The following ETV1 variants were observed in gnomAD, a reference collection of about 807,000 sequenced individuals.
ETV1 encodes ETS translocation variant 1.
Under a neutral mutation model 62.3 loss-of-function variants are expected in ETV1, and 27 were observed. The observed-to-expected ratio is 0.43, with a 90% confidence interval of 0.32 to 0.60. The LOEUF (loss-of-function observed/expected upper bound fraction) is 0.60, where lower values mean the gene tolerates loss of function less well. Ranked by LOEUF, ETV1 falls within the 20% of genes least tolerant of loss-of-function variation. The pLI is 0.06. For missense variants in ETV1, 605 were observed against 605.8 expected, an observed-to-expected ratio of 1.00 and a Z score of 0.01; for synonymous variants, 222 against 199.6, an observed-to-expected ratio of 1.11 and a Z score of -0.94.
intron 3 of ETV1, chr7:13,988,612 G>GAAAAAAAAAAAGAA (rs1782777901): frequency 9.2e-7 from 1 of 1,091,216 alleles, no homozygotes; most frequent in African/African-American, 3.6e-5. Flanking sequence ...AAAAAAAAGA[G>GAAAAAAAAAAAGAA]AAAATGAGAA....
At chr7:13,964,233 A>G (rs1476707171) in intron 6 of ETV1, among the ~76,000 whole-genome samples, 2 of 152,208 alleles carry the variant, frequency 1.3e-5, no homozygotes, top group Non-Finnish European at 2.9e-5. Flanking sequence ...CCACCATTTC[A>G]GAGGAAAAGC....
intron 13 of ETV1, among the ~76,000 whole-genome samples, chr7:13,896,573 A>G (rs1025916423): frequency 2.0e-5 from 3 of 152,098 alleles, no homozygotes; most frequent in African/African-American, 7.2e-5. Flanking sequence ...TTTATTCCCA[A>G]TAAGACTAGA....
chr7:13,950,296 C>A (rs974423835), intron 6 of ETV1, among the ~76,000 whole-genome samples: 9 of 151,920 alleles, frequency 5.9e-5, no homozygotes, highest in Non-Finnish European at 1.0e-4. Flanking sequence ...CTGGGCAGTT[C>A]AAAAATAAGT....
intron 6 of ETV1, among the ~76,000 whole-genome samples, chr7:13,950,925 C>G (rs1334055767): frequency 1.4e-5 from 2 of 145,772 alleles, no homozygotes; most frequent in Non-Finnish European, 3.1e-5. Flanking sequence ...CACACACACA[C>G]ACACACACAC....
At chr7:13,916,459 G>A (rs1183571708) in intron 9 of ETV1, among the ~76,000 whole-genome samples, 1 of 152,082 alleles carries the variant, frequency 6.6e-6, no homozygotes, top group African/African-American at 2.4e-5. Flanking sequence ...CCAACATGGT[G>A]AAAACCTGTC....
intron 11 of ETV1, 35 bp from the exon 12 acceptor site, chr7:13,906,634 C>CATAGTATTGCT: frequency 6.9e-7 from 1 of 1,459,480 alleles, no homozygotes; most frequent in Non-Finnish European, 9.3e-7. Context: ...CTATTATTAG[C>CATAGTATTGCT]AATACTATGC....
At chr7:13,923,815 C>G (rs976614588) in intron 9 of ETV1, among the ~76,000 whole-genome samples, 1 of 151,926 alleles carries the variant, frequency 6.6e-6, no homozygotes, top group South Asian at 2.1e-4. Context: ...GGCGGATCAC[C>G]TAAGGTCGGA....
At chr7:13,959,775 C>T (rs1055155539) in intron 6 of ETV1, among the ~76,000 whole-genome samples, 4 of 148,046 alleles carry the variant, frequency 2.7e-5, no homozygotes, top group Admixed American at 6.9e-5. Flanking sequence ...CCCACCTACT[C>T]GGGAGGCTGA....
chr7:13,914,165 A>G (rs1783883557), intron 9 of ETV1, among the ~76,000 whole-genome samples: 2 of 151,998 alleles, frequency 1.3e-5, no homozygotes, highest in Admixed American at 6.6e-5. Flanking sequence ...GATTACAGGC[A>G]TGAGTCACCG....
intron 3 of ETV1, 112 bp downstream of exon 3, chr7:13,988,896 G>A: frequency 6.5e-7 from 1 of 1,538,920 alleles, no homozygotes; most frequent in Non-Finnish European, 8.9e-7. Context: ...CAACAAAGCA[G>A]ATAAGTATCT....
intron 11 of ETV1, chr7:13,907,757 T>G (rs1325494268): frequency 4.3e-6 from 2 of 461,170 alleles, no homozygotes; most frequent in East Asian, 1.4e-4. Flanking sequence ...GTGTGCATTA[T>G]AAAATAGACC....
chr7:13,977,843 C>A (rs1410529648), intron 5 of ETV1, among the ~76,000 whole-genome samples: 1 of 152,122 alleles, frequency 6.6e-6, no homozygotes, highest in African/African-American at 2.4e-5. Context: ...AATTCACCCA[C>A]TGCCAGTGTG....
intron 6 of ETV1, among the ~76,000 whole-genome samples, chr7:13,940,032 T>C (rs1787294382): frequency 6.6e-6 from 1 of 152,042 alleles, no homozygotes; most frequent in African/African-American, 2.4e-5. Context: ...AATACGTATA[T>C]GGGGAGGGAA....
At chr7:13,931,344 A>G (rs1479120231) in intron 9 of ETV1, among the ~76,000 whole-genome samples, 158 bp downstream of exon 9, 1 of 152,218 alleles carries the variant, frequency 6.6e-6, no homozygotes, top group Non-Finnish European at 1.5e-5. Context: ...GATAGTTCAA[A>G]TCTTTACACG....
At chr7:13,946,279 T>C (rs1410292898) in intron 6 of ETV1, among the ~76,000 whole-genome samples, 2 of 152,172 alleles carry the variant, frequency 1.3e-5, no homozygotes, top group Non-Finnish European at 2.9e-5. Context: ...AATCAAATTT[T>C]TGGGAGGAAA....
At chr7:13,927,108 G>A (rs1276955323) in intron 9 of ETV1, among the ~76,000 whole-genome samples, 7 of 152,200 alleles carry the variant, frequency 4.6e-5, no homozygotes, top group East Asian at 3.9e-4. Flanking sequence ...AAGGTCTTCC[G>A]TAAGAATAGC....
chr7:13,909,232 G>A (rs1783303688), intron 11 of ETV1, among the ~76,000 whole-genome samples: 1 of 151,458 alleles, frequency 6.6e-6, no homozygotes, highest in Admixed American at 6.6e-5. Flanking sequence ...AACAATGAAA[G>A]AAGAGAGGCC....
At chr7:13,915,027 AT>A (rs1783997936) in intron 9 of ETV1, among the ~76,000 whole-genome samples, 1 of 152,092 alleles carries the variant, frequency 6.6e-6, no homozygotes, top group African/African-American at 2.4e-5. Flanking sequence ...TTTTGGTTAA[AT>A]TCTTCTACCA....
rs183196640 is a variant in ETV1 at position 13,927,279 on chromosome 7, T to C, written c.802+4223A>G. ...GCCTAGCCAACATGATGAACCCCTG[T>C]CTCTAATTAAAAATATAGAAAAATC... On this transcript the variant is annotated intron_variant, in intron 9 of 13. Transcript: ENST00000430479. Among the ~76,000 whole-genome samples the C allele has an allele frequency of 4.7e-4, 71 of 152,114 alleles. No individual in the cohort carries two copies. In the Middle Eastern group the frequency reaches 0.017, roughly 36 times the overall value.
Sources: gnomAD v4.1 joint callset for allele counts (sites outside exome capture counted in the v4.1 genomes callset) on GRCh38, gnomAD v4.1.1 for gene constraint, MANE v1.5 for transcripts, NCBI Gene and HGNC (gene_info 2026-07-23, HGNC 2026-07-21) for gene names.